The following CSMD3 variants were observed in gnomAD, a reference collection of about 807,000 sequenced individuals.
CSMD3 encodes CUB and sushi domain-containing protein 3.
A neutral mutation model predicts 435.2 loss-of-function variants in CSMD3; 177 were observed. The observed-to-expected ratio is 0.41, with a 90% CI of 0.36 to 0.46. The LOEUF is 0.46. CSMD3 is among the 20% of genes least tolerant of loss of function. CSMD3 has a pLI of 0.34. For synonymous variants in CSMD3, 1,656 were observed against 1,520.5 expected, an observed-to-expected ratio of 1.09 and a Z score of -2.07; for missense variants, 4,265 against 4,504.6, an observed-to-expected ratio of 0.95 and a Z score of 1.52.
At chr8:112,359,308 A>C (rs1226349115) in intron 38 of CSMD3, among the ~76,000 whole-genome samples, 1 of 152,116 alleles carries the variant, frequency 6.6e-6, no homozygotes, top group African/African-American at 2.4e-5. Flanking sequence ...TCTCTGATAG[A>C]TATTCTTGTA....
At chr8:113,312,047 C>A (rs2093873578) in intron 2 of CSMD3, 2 of 151,848 alleles carry the variant, frequency 1.3e-5, no homozygotes, top group South Asian at 4.1e-4. Context: ...TAAATTTGAT[C>A]CAATACTGCT....
At chr8:112,978,813 A>C (rs1216760505) in intron 6 of CSMD3, among the ~76,000 whole-genome samples, 3 of 151,898 alleles carry the variant, frequency 2.0e-5, no homozygotes, top group Non-Finnish European at 4.4e-5. Flanking sequence ...TTGTATATTG[A>C]TTTCACTGCT....
At chr8:112,477,389 C>A (rs558206372) in intron 31 of CSMD3, among the ~76,000 whole-genome samples, 2 of 152,200 alleles carry the variant, frequency 1.3e-5, no homozygotes, top group East Asian at 1.9e-4. Flanking sequence ...TGTCTAATAC[C>A]AAGCCCATAG....
intron 27 of CSMD3, among the ~76,000 whole-genome samples, chr8:112,533,012 T>A (rs1054567988): frequency 2.0e-5 from 3 of 152,132 alleles, no homozygotes; most frequent in Non-Finnish European, 4.4e-5. Context: ...TTTCTGTGCT[T>A]TTCTCTGCCA....
At chr8:112,759,631 A>G (rs1362282901) in intron 13 of CSMD3, among the ~76,000 whole-genome samples, 3 of 152,150 alleles carry the variant, frequency 2.0e-5, no homozygotes, top group African/African-American at 7.2e-5. Context: ...TAATATTGTG[A>G]TAGAATACCC....
At chr8:112,598,508 G>GA (rs1256217558) in intron 22 of CSMD3, among the ~76,000 whole-genome samples, 44 of 148,708 alleles carry the variant, frequency 3.0e-4, no homozygotes, top group African/African-American at 1.0e-3. Flanking sequence ...CACAGAATTG[G>GA]AAAAAACTAC....
intron 5 of CSMD3, among the ~76,000 whole-genome samples, chr8:113,078,469 A>G (rs1030486280): frequency 6.6e-6 from 1 of 152,230 alleles, no homozygotes; most frequent in African/African-American, 2.4e-5. Flanking sequence ...AAATACTGTT[A>G]CATTAAAGGA....
At chr8:112,595,291 G>C (rs932454601) in intron 22 of CSMD3, among the ~76,000 whole-genome samples, 1 of 151,834 alleles carries the variant, frequency 6.6e-6, no homozygotes, top group African/African-American at 2.4e-5. Context: ...CGAATGAAAT[G>C]AAGCGAGAAG....
At chr8:113,421,949 G>A (rs912878624) in intron 1 of CSMD3, among the ~76,000 whole-genome samples, 2 of 152,104 alleles carry the variant, frequency 1.3e-5, no homozygotes, top group Non-Finnish European at 2.9e-5. Context: ...TGAATAATAA[G>A]ACAACTTTAT....
intron 35 of CSMD3, among the ~76,000 whole-genome samples, chr8:112,392,228 A>C (rs1354155081): frequency 6.7e-6 from 1 of 150,368 alleles, no homozygotes; most frequent in Non-Finnish European, 1.5e-5. Context: ...CAAAGAACAT[A>C]TCTTTTGTAA....
intron 56 of CSMD3, among the ~76,000 whole-genome samples, chr8:112,290,271 T>C (rs1393647544): frequency 6.6e-6 from 1 of 151,998 alleles, no homozygotes; most frequent in Non-Finnish European, 1.5e-5. Context: ...TAGAGTATCA[T>C]ACAGCACATG....
intron 13 of CSMD3, among the ~76,000 whole-genome samples, chr8:112,750,085 A>G (rs1258300153): frequency 6.6e-6 from 1 of 152,074 alleles, no homozygotes; most frequent in Non-Finnish European, 1.5e-5. Flanking sequence ...CTGCAAGCAC[A>G]TAAGTCGATG....
chr8:112,292,808 A>G (rs756836373), intron 54 of CSMD3, 98 bp from the exon 55 acceptor site: 27 of 1,071,282 alleles, frequency 2.5e-5, no homozygotes, highest in East Asian at 1.5e-4. Flanking sequence ...CATTTCAAAC[A>G]AAGTAGAAAG....
chr8:112,472,779 C>T (rs560559946), intron 31 of CSMD3, 72 bp from the exon 32 acceptor site: 36 of 814,104 alleles, frequency 4.4e-5, no homozygotes, highest in African/African-American at 3.7e-4. Flanking sequence ...TTATCTTCTT[C>T]ATATAAAAAA....
chr8:112,778,791 T>C (rs2132232618), intron 13 of CSMD3, among the ~76,000 whole-genome samples: 1 of 152,086 alleles, frequency 6.6e-6, no homozygotes, highest in African/African-American at 2.4e-5. Flanking sequence ...CATTTTGCAT[T>C]TCCACCAGCA....
intron 4 of CSMD3, among the ~76,000 whole-genome samples, chr8:113,128,851 C>T (rs2091210998): frequency 6.6e-6 from 1 of 151,996 alleles, no homozygotes; most frequent in Non-Finnish European, 1.5e-5. Context: ...TAAGCGAATA[C>T]AGTTTTTGAG....
chr8:113,399,562 T>C (rs2094500366), intron 1 of CSMD3, among the ~76,000 whole-genome samples: 2 of 151,986 alleles, frequency 1.3e-5, no homozygotes, highest in Admixed American at 1.3e-4. Flanking sequence ...TTATATATTT[T>C]ATGTGTCTCT....
chr8:112,398,194 C>T (rs1344413336), intron 35 of CSMD3, among the ~76,000 whole-genome samples: 1 of 152,168 alleles, frequency 6.6e-6, no homozygotes, highest in African/African-American at 2.4e-5. Context: ...TCTTCAGTCC[C>T]ACTGGGCCTA....
intron 3 of CSMD3, among the ~76,000 whole-genome samples, chr8:113,246,431 T>A (rs1265978839): frequency 1.3e-5 from 2 of 152,136 alleles, no homozygotes; most frequent in Non-Finnish European, 2.9e-5. Flanking sequence ...TTTTTAAATG[T>A]ATATCTTTTT....
Sources: gnomAD v4.1 joint callset for allele counts (sites outside exome capture counted in the v4.1 genomes callset) on GRCh38, gnomAD v4.1.1 for gene constraint, MANE v1.5 for transcripts, NCBI Gene and HGNC (gene_info 2026-07-23, HGNC 2026-07-21) for gene names.